Variants in LRRC1 observed in about 807,000 individuals in gnomAD.
LRRC1 encodes leucine-rich repeat-containing protein 1.
In LRRC1, 28 loss-of-function variants were observed where a neutral mutation model predicts 69.9. The ratio of observed to expected loss-of-function variants is 0.40; its 90% CI spans 0.30 to 0.55. The LOEUF is 0.55. LRRC1 is among the 20% of genes least tolerant of loss of function. LRRC1 has a pLI of 0.47. For synonymous variants in LRRC1, 236 were observed against 240.2 expected, an observed-to-expected ratio of 0.98 and a Z score of 0.16; for missense variants, 498 against 609.0, an observed-to-expected ratio of 0.82 and a Z score of 1.92.
chr6:53,841,055 A>G lies in LRRC1; in HGVS notation c.160-1055A>G, dbSNP rs954129575. ...CTTTATAGGAAGATTAGTGTCTGCA[A>G]GTCTGTGCTCATGCCCAGGAGCCGG... is the stretch of plus-strand genomic sequence containing the variant. On this transcript the variant is annotated intron_variant, in intron 1 of 13. Transcript: ENST00000370888. Among the ~76,000 whole-genome samples, 10 of 152,268 alleles carry G rather than the reference A, an allele frequency of 6.6e-5. No homozygotes were observed. In the East Asian group the frequency reaches 1.7e-3, roughly 26 times the overall value.
chr6:53,875,649 A>G (rs924966107), intron 2 of LRRC1, among the ~76,000 whole-genome samples: 1 of 152,260 alleles, frequency 6.6e-6, no homozygotes, highest in Non-Finnish European at 1.5e-5. Context: ...ATACCACCAC[A>G]TGAAAATATA....
chr6:53,900,020 GTTTTTTTTTTTTTTTT>G (rs869246243), intron 8 of LRRC1, 129 bp downstream of exon 8: 90 of 190,378 alleles, frequency 4.7e-4, no homozygotes, highest in Middle Eastern at 1.6e-3. Context: ...TCTCCTTACT[GTTTTTTTTTTTTTTTT>G]TTTTTTTTTT....
intron 2 of LRRC1, among the ~76,000 whole-genome samples, chr6:53,847,869 A>G (rs1242238381): frequency 2.0e-5 from 3 of 152,192 alleles, no homozygotes. Flanking sequence ...AAGTCCTCCT[A>G]CTTAGTTATG....
chr6:53,796,910 C>T (rs1470169509), intron 1 of LRRC1, among the ~76,000 whole-genome samples: 3 of 152,126 alleles, frequency 2.0e-5, no homozygotes, highest in African/African-American at 7.2e-5. Context: ...TAATTTTAGG[C>T]AGTGATATCA....
intron 1 of LRRC1, among the ~76,000 whole-genome samples, chr6:53,841,468 G>T (rs1765787409): frequency 6.6e-6 from 1 of 151,860 alleles, no homozygotes; most frequent in African/African-American, 2.4e-5. Flanking sequence ...TTCATTTTCT[G>T]TCTTCATGGG....
intron 1 of LRRC1, among the ~76,000 whole-genome samples, chr6:53,820,206 A>C (rs947609633): frequency 3.3e-5 from 5 of 152,010 alleles, no homozygotes; most frequent in African/African-American, 1.2e-4. Context: ...AAATGAAATA[A>C]ACATGTCCAT....
chr6:53,854,822 T>C (rs936692586), intron 2 of LRRC1, among the ~76,000 whole-genome samples: 3 of 152,258 alleles, frequency 2.0e-5, no homozygotes, highest in African/African-American at 7.2e-5. Context: ...CTATCTTGCT[T>C]TTTATTCACT....
At chr6:53,894,572 G>T (rs1767806260) in intron 4 of LRRC1, among the ~76,000 whole-genome samples, 1 of 152,172 alleles carries the variant, frequency 6.6e-6, no homozygotes, top group African/African-American at 2.4e-5. Flanking sequence ...GAGATAAAAT[G>T]ACAATCCTAA....
rs1306713376 is a variant in LRRC1, at chr6:53,867,856, AG to A, written c.278-11135del. Among the ~76,000 whole-genome samples, 4 of 150,932 alleles carry A rather than the reference AG, an allele frequency of 2.7e-5. No individual in the cohort carries two copies. The East Asian group carries it at 7.9e-4, about 30-fold the overall frequency. On this transcript the variant is annotated intron_variant, in intron 2 of 13. Transcript: ENST00000370888. ...TGTAGTCGCAGCTAGTTGGGGGCTG[AG>A]GTGGGAGGATTATTGGAGCCTCGAG...
At chr6:53,872,967 A>G (rs1233348091) in intron 2 of LRRC1, among the ~76,000 whole-genome samples, 2 of 151,626 alleles carry the variant, frequency 1.3e-5, no homozygotes, top group Non-Finnish European at 1.5e-5. Flanking sequence ...ATGTTGGCCA[A>G]TCTGGTCTCG....
At chr6:53,918,637 A>C (rs1241072528) in intron 11 of LRRC1, among the ~76,000 whole-genome samples, 3 of 152,188 alleles carry the variant, frequency 2.0e-5, no homozygotes, top group African/African-American at 7.2e-5. Flanking sequence ...TACTTTTGGT[A>C]AGATGTATAA....
chr6:53,858,339 A>G (rs1766384992), intron 2 of LRRC1, among the ~76,000 whole-genome samples: 1 of 152,166 alleles, frequency 6.6e-6, no homozygotes, highest in African/African-American at 2.4e-5. Flanking sequence ...AGAAAAGTCA[A>G]CAGACTGCCC....
chr6:53,839,030 G>T lies in LRRC1; in HGVS notation c.160-3080G>T, dbSNP rs1311496222. Reference sequence around the variant, plus strand: ...TTTGTTTTCTTTTTAAGTTATATTTGCATGGTAAATCTTTTTCAAGTTCTG... The same window carrying T: ...TTTGTTTTCTTTTTAAGTTATATTTTCATGGTAAATCTTTTTCAAGTTCTG... On this transcript the variant is annotated intron_variant, in intron 1 of 13. Coordinates refer to ENST00000370888, the MANE Select transcript of LRRC1 (RefSeq NM_018214.5). Among the ~76,000 whole-genome samples the T allele has an allele frequency of 2.0e-5, 3 of 151,620 alleles. No homozygotes were observed. The South Asian group carries it at 6.2e-4, about 31-fold the overall frequency.
rs188462819 is a variant in LRRC1, at chr6:53,874,989, A to G, written c.278-4004A>G. 8.5e-5 allele frequency among the ~76,000 whole-genome samples: 13 copies of G among 152,378 alleles called. No individual in the cohort carries two copies. In the East Asian group the frequency reaches 2.3e-3, roughly 27 times the overall value. Reference sequence around the variant, plus strand: ...AAAGAATACAAAATAAAATGTTGCCATACTATTTTAGCAATACAATTGGCA... The same window carrying G: ...AAAGAATACAAAATAAAATGTTGCCGTACTATTTTAGCAATACAATTGGCA... On this transcript the variant is annotated intron_variant, in intron 2 of 13. Transcript: ENST00000370888.
intron 1 of LRRC1, among the ~76,000 whole-genome samples, chr6:53,835,353 A>G (rs1298787485): frequency 6.6e-6 from 1 of 152,182 alleles, no homozygotes; most frequent in Non-Finnish European, 1.5e-5. Context: ...CAGGGAAGGT[A>G]TTTTGAAATG....
chr6:53,802,339 G>C (rs1035227362), intron 1 of LRRC1, among the ~76,000 whole-genome samples: 2 of 152,186 alleles, frequency 1.3e-5, no homozygotes, highest in African/African-American at 4.8e-5. Flanking sequence ...GGATGTTCTG[G>C]GAGATGGTGT....
At chr6:53,797,779 G>A (rs149277775) in intron 1 of LRRC1, among the ~76,000 whole-genome samples, 25 of 152,300 alleles carry the variant, frequency 1.6e-4, no homozygotes, top group Middle Eastern at 3.4e-3. Flanking sequence ...TCTGGTTTGC[G>A]CCAATATCTT....
At chr6:53,913,623 T>G (rs1460243854) in intron 10 of LRRC1, among the ~76,000 whole-genome samples, 1 of 152,228 alleles carries the variant, frequency 6.6e-6, no homozygotes, top group Non-Finnish European at 1.5e-5. Context: ...TTGATTTTCT[T>G]GATTTAATTT....
intron 1 of LRRC1, among the ~76,000 whole-genome samples, chr6:53,812,419 G>A (rs1255297706): frequency 6.6e-5 from 10 of 151,852 alleles, no homozygotes; most frequent in African/African-American, 1.9e-4. Flanking sequence ...GGCCGGGCGC[G>A]GTGGCTCACG....
Sources: gnomAD v4.1 joint callset for allele counts (sites outside exome capture counted in the v4.1 genomes callset) on GRCh38, gnomAD v4.1.1 for gene constraint, MANE v1.5 for transcripts, NCBI Gene and HGNC (gene_info 2026-07-23, HGNC 2026-07-21) for gene names.